GRIK2: variants seen among roughly 807,000 people sequenced by gnomAD.
GRIK2 encodes glutamate ionotropic receptor kainate type subunit 2.
GRIK2 carries 32 observed loss-of-function variants against 100.3 expected under a neutral mutation model. That is an observed-to-expected ratio of 0.32 (90% CI 0.24 to 0.43). The LOEUF (loss-of-function observed/expected upper bound fraction) is 0.43. GRIK2 is among the 20% of genes least tolerant of loss of function. GRIK2 has a pLI of 1.00. For missense variants in GRIK2, 843 were observed against 1,114.9 expected (o/e 0.76, Z 3.47); for synonymous variants, 417 against 389.4 (o/e 1.07, Z -0.83).
chr6:101,801,206 T>C (rs767374888), intron 8 of GRIK2, among the ~76,000 whole-genome samples: 14 of 152,076 alleles, frequency 9.2e-5, no homozygotes, highest in Non-Finnish European at 1.8e-4. Context: ...ACTTCTATTC[T>C]TGTACTTCTT....
rs532026946 is a variant in GRIK2, at chr6:101,791,340, C to T, written c.952-8308C>T. On this transcript the variant is annotated intron_variant, in intron 7 of 16. Transcript: ENST00000369134. ...GATCTTTCCTGCTTTCTCTTGTGGG[C>T]ATTTAGTGCTATAAATTTCCCTCTA... Among the ~76,000 whole-genome samples the T allele has an allele frequency of 1.9e-3, 282 of 152,238 alleles. 2 individuals are homozygous for T. The highest frequency in any genetic ancestry group is 6.6e-3 in the African/African-American group (273 of 41,544).
chr6:101,946,526 AATAAG>A (rs1187320628), intron 14 of GRIK2, among the ~76,000 whole-genome samples: 12 of 152,158 alleles, frequency 7.9e-5, no homozygotes, highest in African/African-American at 2.9e-4. Flanking sequence ...TGAAAAAAAA[AATAAG>A]AAAAGAAACA....
chr6:101,435,111 CAG>C (rs756809082), intron 2 of GRIK2, among the ~76,000 whole-genome samples: 2 of 152,074 alleles, frequency 1.3e-5, no homozygotes, highest in Non-Finnish European at 2.9e-5. Flanking sequence ...GTTTCTAAAG[CAG>C]AGTTTTTGAG....
chr6:101,943,974 A>G (rs769835912), intron 14 of GRIK2, among the ~76,000 whole-genome samples: 1 of 152,090 alleles, frequency 6.6e-6, no homozygotes, highest in Non-Finnish European at 1.5e-5. Flanking sequence ...TCTCATGTAG[A>G]GTTGTAATTC....
chr6:102,002,554 C>T (rs1795008300), intron 14 of GRIK2, among the ~76,000 whole-genome samples: 1 of 150,108 alleles, frequency 6.7e-6, no homozygotes, highest in South Asian at 2.1e-4. Flanking sequence ...ATTATCTGCT[C>T]TTGAGTGTTG....
chr6:101,772,473 C>T (rs1778466334), intron 7 of GRIK2, among the ~76,000 whole-genome samples: 3 of 152,118 alleles, frequency 2.0e-5, no homozygotes. Context: ...CTTCTGAGTT[C>T]CATATTCTAC....
Position 101,567,933 on chromosome 6 carries a change from T to C in GRIK2, c.116-54016T>C, listed in dbSNP as rs557750868. Among the ~76,000 whole-genome samples the C allele has an allele frequency of 3.9e-5, 6 of 152,098 alleles. No homozygotes were observed. The South Asian group carries it at 1.0e-3, about 26-fold the overall frequency. On this transcript the variant is annotated intron_variant, in intron 2 of 16. Coordinates refer to ENST00000369134, the MANE Select transcript of GRIK2 (RefSeq NM_021956.5). ...ACTAATTTTACCTTTTAAAATAATATGCCACTTGTAGATGTAGAATACAAA... is the reference window on the plus strand; with the variant it reads ...ACTAATTTTACCTTTTAAAATAATACGCCACTTGTAGATGTAGAATACAAA...
chr6:101,449,658 G>T (rs1856310), intron 2 of GRIK2, among the ~76,000 whole-genome samples: 56,585 of 151,414 alleles, frequency 0.37, 10,712 homozygotes, highest in Admixed American at 0.44. Context: ...AAATTCTGTT[G>T]ATTCAGATTC....
chr6:101,844,711 A>G (rs1783705877), intron 10 of GRIK2, among the ~76,000 whole-genome samples: 2 of 152,170 alleles, frequency 1.3e-5, no homozygotes, highest in Admixed American at 6.5e-5. Flanking sequence ...TGTTTATAGT[A>G]TATCATAGCA....
intron 7 of GRIK2, among the ~76,000 whole-genome samples, chr6:101,751,820 A>G (rs1477741487): frequency 2.0e-5 from 3 of 152,158 alleles, no homozygotes; most frequent in African/African-American, 7.2e-5. Context: ...TCTCGTGCAA[A>G]ATTACTTCAT....
At chr6:101,471,485 C>G (rs1273989154) in intron 2 of GRIK2, among the ~76,000 whole-genome samples, 1 of 151,910 alleles carries the variant, frequency 6.6e-6, no homozygotes, top group African/African-American at 2.4e-5. Flanking sequence ...ATTTTGACTA[C>G]TGGAATCTAA....
chr6:101,542,969 T>G (rs1377757793), intron 2 of GRIK2, among the ~76,000 whole-genome samples: 1 of 152,128 alleles, frequency 6.6e-6, no homozygotes, highest in Non-Finnish European at 1.5e-5. Context: ...CTTCTCTTAA[T>G]GGATAATGAC....
chr6:101,702,588 C>T (rs925590384), intron 7 of GRIK2, among the ~76,000 whole-genome samples: 3 of 151,868 alleles, frequency 2.0e-5, no homozygotes, highest in African/African-American at 7.2e-5. Flanking sequence ...TGCTATGTCT[C>T]AAGCACTGTT....
At position 101,622,108 on chromosome 6, in the gene GRIK2, C is replaced by A; in HGVS notation, c.275C>A (p.Ser92Tyr). 6.4e-7 allele frequency: 1 copy of A among 1,574,256 alleles called. No homozygotes were observed. The highest frequency in any genetic ancestry group is 1.1e-5 in the South Asian group (1 of 87,832). Residue 92 changes from serine to tyrosine, a missense_variant, in exon 3 of 17, where the codon TCC becomes TAC. Coordinates refer to ENST00000369134, the MANE Select transcript of GRIK2 (RefSeq NM_021956.5). ...KINLYDSFEA[S>Y]KKACDQLSLG... ...AACCTTTATGATAGTTTTGAAGCATCCAAGAAAGGTAATTGATAGATTTTT... is the reference window on the plus strand; with the variant it reads ...AACCTTTATGATAGTTTTGAAGCATACAAGAAAGGTAATTGATAGATTTTT...
chr6:101,536,634 A>T (rs1010406508), intron 2 of GRIK2, among the ~76,000 whole-genome samples: 1 of 151,734 alleles, frequency 6.6e-6, no homozygotes, highest in Non-Finnish European at 1.5e-5. Context: ...GATACACAAT[A>T]AAATATAAAA....
intron 2 of GRIK2, among the ~76,000 whole-genome samples, chr6:101,461,982 G>T (rs557438718): frequency 6.6e-6 from 1 of 152,266 alleles, no homozygotes; most frequent in East Asian, 1.9e-4. Context: ...TCACAAGGCT[G>T]CCTGGTTTTC....
At chr6:101,827,586 G>C (rs1044639129) in intron 10 of GRIK2, among the ~76,000 whole-genome samples, 2 of 151,802 alleles carry the variant, frequency 1.3e-5, no homozygotes, top group Non-Finnish European at 2.9e-5. Flanking sequence ...AGAAAGATCT[G>C]TCACACAGGT....
chr6:101,963,427 A>G (rs1173311317), intron 14 of GRIK2, among the ~76,000 whole-genome samples: 8 of 146,844 alleles, frequency 5.4e-5, no homozygotes, highest in Non-Finnish European at 1.2e-4. Context: ...TCTCCCGAGT[A>G]GCTGGGACTA....
intron 9 of GRIK2, among the ~76,000 whole-genome samples, chr6:101,805,313 T>TAAA (rs35711027): frequency 2.7e-4 from 39 of 142,080 alleles, no homozygotes; most frequent in Middle Eastern, 3.7e-3. Context: ...TTCATCACCT[T>TAAA]AAAAAAAAAA....
Sources: gnomAD v4.1 joint callset for allele counts (sites outside exome capture counted in the v4.1 genomes callset) on GRCh38, gnomAD v4.1.1 for gene constraint, MANE v1.5 for transcripts, NCBI Gene and HGNC (gene_info 2026-07-23, HGNC 2026-07-21) for gene names.